The following CALN1 variants were observed in gnomAD, a reference collection of about 807,000 sequenced individuals.
The protein encoded by CALN1 is calcium-binding protein 8.
CALN1 carries 17 observed loss-of-function variants against 30.6 expected under a neutral mutation model. The ratio of observed to expected loss-of-function variants is 0.56; its 90% CI spans 0.38 to 0.83. The LOEUF (loss-of-function observed/expected upper bound fraction) is 0.83. CALN1 is among the 40% of genes least tolerant of loss of function. The pLI is 0.00. For synonymous variants in CALN1, 156 were observed against 131.4 expected, an observed-to-expected ratio of 1.19 and a Z score of -1.28; for missense variants, 291 against 354.9, an observed-to-expected ratio of 0.82 and a Z score of 1.45.
At chr7:72,122,621 G>A (rs1256630930) in intron 3 of CALN1, among the ~76,000 whole-genome samples, 1 of 152,148 alleles carries the variant, frequency 6.6e-6, no homozygotes, top group Non-Finnish European at 1.5e-5. Flanking sequence ...AGCTACTGGG[G>A]AGACTGAGGT....
At chr7:71,936,270 G>C (rs1317960453) in intron 5 of CALN1, among the ~76,000 whole-genome samples, 1 of 152,076 alleles carries the variant, frequency 6.6e-6, no homozygotes, top group African/African-American at 2.4e-5. Context: ...AGGCTGAGAC[G>C]GGTGGATCAC....
intron 2 of CALN1, among the ~76,000 whole-genome samples, chr7:72,326,990 A>G (rs899852608): frequency 1.3e-5 from 2 of 152,196 alleles, no homozygotes; most frequent in African/African-American, 4.8e-5. Flanking sequence ...ACAAAAGGAT[A>G]TGTTTAGTTA....
chr7:72,069,392 T>C (rs1419296932), intron 4 of CALN1, among the ~76,000 whole-genome samples: 2 of 152,158 alleles, frequency 1.3e-5, no homozygotes, highest in Non-Finnish European at 2.9e-5. Flanking sequence ...AAATGAATGA[T>C]CTCACAGTTC....
intron 4 of CALN1, among the ~76,000 whole-genome samples, chr7:72,057,464 G>A (rs1304676971): frequency 7.4e-6 from 1 of 134,624 alleles, no homozygotes; most frequent in East Asian, 2.4e-4. Context: ...TTTGGTCATA[G>A]ATTTCTGCAT....
At chr7:72,444,898 A>C (rs575930307) in intron 1 of CALN1, among the ~76,000 whole-genome samples, 1 of 152,238 alleles carries the variant, frequency 6.6e-6, no homozygotes, top group Non-Finnish European at 1.5e-5. Context: ...TTGGTCCCCA[A>C]AGGCCATGCC....
intron 2 of CALN1, among the ~76,000 whole-genome samples, chr7:72,349,488 T>C (rs1426951983): frequency 6.6e-6 from 1 of 151,756 alleles, no homozygotes; most frequent in Non-Finnish European, 1.5e-5. Flanking sequence ...TGAAAACCAA[T>C]GATAGAGAAA....
chr7:72,464,252 T>G, the CALN1 span, among the ~76,000 whole-genome samples: 1 of 152,062 alleles, frequency 6.6e-6, no homozygotes, highest in Non-Finnish European at 1.5e-5. Flanking sequence ...AAGGCTGCAG[T>G]GAGCTATGAC....
At chr7:72,050,978 G>C (rs989383684) in intron 4 of CALN1, among the ~76,000 whole-genome samples, 19 of 150,336 alleles carry the variant, frequency 1.3e-4, no homozygotes, top group Non-Finnish European at 8.9e-5. Context: ...CTGGGTGACA[G>C]AGCAAGACTC....
At chr7:72,313,127 A>G (rs1800174521) in intron 2 of CALN1, among the ~76,000 whole-genome samples, 1 of 152,022 alleles carries the variant, frequency 6.6e-6, no homozygotes, top group Non-Finnish European at 1.5e-5. Flanking sequence ...GAGCCACTGC[A>G]CCTTGCCAAT....
chr7:72,058,846 C>T (rs888959886), intron 4 of CALN1, among the ~76,000 whole-genome samples: 2 of 151,974 alleles, frequency 1.3e-5, no homozygotes, highest in Admixed American at 6.6e-5. Context: ...GCAAAAGAAG[C>T]CATGGTATTC....
intron 5 of CALN1, among the ~76,000 whole-genome samples, chr7:71,945,267 G>A (rs1049036159): frequency 2.6e-5 from 4 of 152,144 alleles, no homozygotes; most frequent in Admixed American, 1.3e-4. Flanking sequence ...CAGGAACCAG[G>A]AGCCAAGTAA....
At chr7:72,401,525 G>T (rs574304825) in intron 2 of CALN1, among the ~76,000 whole-genome samples, 1 of 152,342 alleles carries the variant, frequency 6.6e-6, no homozygotes, top group Non-Finnish European at 1.5e-5. Context: ...AAGCCAGAAG[G>T]TGTAGAGACC....
intron 3 of CALN1, among the ~76,000 whole-genome samples, chr7:72,254,770 T>TC (rs532598047): frequency 1.5e-4 from 23 of 151,674 alleles, no homozygotes; most frequent in East Asian, 1.4e-3. Context: ...TCTTTTTCTT[T>TC]CCCCCCCGCT....
At chr7:72,242,265 C>A (rs1794889795) in intron 3 of CALN1, among the ~76,000 whole-genome samples, 1 of 152,146 alleles carries the variant, frequency 6.6e-6, no homozygotes, top group South Asian at 2.1e-4. Flanking sequence ...ACATTCTTTC[C>A]ACCTTTTGGC....
chr7:72,397,561 T>C (rs773272311), intron 2 of CALN1, among the ~76,000 whole-genome samples: 2 of 151,968 alleles, frequency 1.3e-5, no homozygotes, highest in Non-Finnish European at 1.5e-5. Flanking sequence ...GTCACAGCAA[T>C]GAGGAAGAGG....
At chr7:72,226,310 C>G (rs549701251) in intron 3 of CALN1, among the ~76,000 whole-genome samples, 26 of 151,870 alleles carry the variant, frequency 1.7e-4, no homozygotes, top group Non-Finnish European at 3.4e-4. Context: ...CACCGAGATG[C>G]TTCTCTGAAC....
chr7:72,455,427 T>G, the CALN1 span, among the ~76,000 whole-genome samples: 1 of 151,894 alleles, frequency 6.6e-6, no homozygotes, highest in East Asian at 1.9e-4. Context: ...ATATATATTT[T>G]TTCTCTCAAT....
At chr7:72,390,900 G>A (rs886663777) in intron 2 of CALN1, among the ~76,000 whole-genome samples, 5 of 152,058 alleles carry the variant, frequency 3.3e-5, no homozygotes, top group African/African-American at 1.2e-4. Flanking sequence ...TCTATTTTAT[G>A]CATTTAGAAA....
intron 2 of CALN1, among the ~76,000 whole-genome samples, chr7:72,364,341 GA>G (rs1339697201): frequency 6.6e-6 from 1 of 152,178 alleles, no homozygotes; most frequent in African/African-American, 2.4e-5. Context: ...TAATGGGGAA[GA>G]ACTAGCTCTA....
Sources: allele counts gnomAD v4.1 joint callset (sites outside exome capture counted in the v4.1 genomes callset), GRCh38; gene constraint gnomAD v4.1.1; transcripts MANE v1.5; gene names NCBI Gene and HGNC (gene_info 2026-07-23, HGNC 2026-07-21).